Variants in KMT5A observed in about 807,000 individuals in gnomAD.
KMT5A encodes lysine methyltransferase 5A.
In KMT5A, 6 loss-of-function variants were observed where a neutral mutation model predicts 40.6. The observed-to-expected ratio is 0.15, with a 90% CI of 0.08 to 0.29. KMT5A has a LOEUF of 0.29. Ranked by LOEUF, KMT5A falls within the 10% of genes least tolerant of loss-of-function variation. KMT5A has a pLI of 1.00. For missense variants in KMT5A, 308 were observed against 459.1 expected, an observed-to-expected ratio of 0.67 and a Z score of 3.01; for synonymous variants, 153 against 178.8, an observed-to-expected ratio of 0.86 and a Z score of 1.15.
In KMT5A at chr12:123,407,584, G is replaced by A. The variant is rs1593478829; in HGVS notation, c.940G>A (p.Gly314Ser). The change falls in exon 8 of 8, where the codon GGC becomes AGC. Residue 314 changes from glycine to serine, a missense_variant. Transcript: ENST00000402868. Reference sequence around the variant, plus strand: ...CCAAACCAAACTGCACGACATCGACGGCGTACCTCACCTCATCCTCATCGC... The same window carrying A: ...CCAAACCAAACTGCACGACATCGACAGCGTACCTCACCTCATCCTCATCGC... ...NCQTKLHDID[G>S]VPHLILIASR... 2 of 1,613,806 alleles carry A rather than the reference G, an allele frequency of 1.2e-6. No individual in the cohort carries two copies. The highest frequency in any genetic ancestry group is 1.7e-6 in the Non-Finnish European group (2 of 1,179,838).
chr12:123,399,525 A>G (rs1259445140), intron 5 of KMT5A, among the ~76,000 whole-genome samples: 2 of 152,168 alleles, frequency 1.3e-5, no homozygotes, highest in African/African-American at 4.8e-5. Context: ...TCCCGTTTAC[A>G]TGGGCCCCCG....
intron 5 of KMT5A, among the ~76,000 whole-genome samples, chr12:123,402,772 C>T (rs1377006583): frequency 6.6e-6 from 1 of 152,154 alleles, no homozygotes; most frequent in African/African-American, 2.4e-5. Context: ...ATTGGAGGCC[C>T]TCTTCTCATC....
At chr12:123,385,701 A>G (rs546071326) in intron 1 of KMT5A, among the ~76,000 whole-genome samples, 5 of 152,072 alleles carry the variant, frequency 3.3e-5, no homozygotes, top group Non-Finnish European at 7.4e-5. Context: ...AAAATACAAA[A>G]TTAGCCGGGC....
At position 123,395,286 on chromosome 12, in the gene KMT5A, C is replaced by T. The variant is rs769241070; in HGVS notation, c.509+20C>T. The stretch of plus-strand genomic sequence containing the variant: ...AAAAAAGTAAGTGCCCCATTCAGTC[C>T]TCTTCCTAACGTGGAGCAGTTTGGT... On this transcript the variant is annotated intron_variant, in intron 4 of 7. Coordinates refer to ENST00000402868, the MANE Select transcript of KMT5A (RefSeq NM_020382.7). 2 of 1,606,268 alleles carry T rather than the reference C, an allele frequency of 1.2e-6. No homozygotes were observed. The highest frequency in any genetic ancestry group is 2.2e-5 in the East Asian group (1 of 44,668).
intron 7 of KMT5A, 96 bp downstream of exon 7, chr12:123,405,170 C>A: frequency 2.4e-6 from 3 of 1,257,446 alleles, no homozygotes; most frequent in Non-Finnish European, 3.2e-6. Flanking sequence ...GGTGGCCAGT[C>A]TTTTGGTTTT....
intron 1 of KMT5A, among the ~76,000 whole-genome samples, chr12:123,388,076 C>G (rs933569211): frequency 5.3e-5 from 8 of 152,326 alleles, no homozygotes; most frequent in Middle Eastern, 3.4e-3. Flanking sequence ...GTGAGCTATG[C>G]TGAAACAGCC....
Position 123,404,889 on chromosome 12 carries a change from C to G in KMT5A, c.663C>G (p.Asp221Glu), listed in dbSNP as rs1436805790. The change falls in exon 7 of 8, where the codon GAC (aspartate) becomes GAG (glutamate). Residue 221 changes from aspartate (D) to glutamate (E), a missense_variant. Asp to Glu is a conservative substitution (Grantham distance 45). This residue lies in a region of KMT5A where 77 missense variants were observed against 220.0 expected (regional missense o/e 0.35). Coordinates refer to ENST00000402868, the MANE Select transcript of KMT5A (RefSeq NM_020382.7). ...ESGKEEGMKI[D>E]LIDGKGRGVI... ...CCTCTCTTATCACCTGACAGATTGACCTCATCGATGGCAAAGGCAGGGGTG... is the reference window on the plus strand; with the variant it reads ...CCTCTCTTATCACCTGACAGATTGAGCTCATCGATGGCAAAGGCAGGGGTG... The G allele has an allele frequency of 6.2e-7, 1 of 1,611,932 alleles. No individual in the cohort carries two copies. The highest frequency in any genetic ancestry group is 8.5e-7 in the Non-Finnish European group (1 of 1,179,436).
Position 123,384,175 on chromosome 12 carries a change from C to T in KMT5A, c.-24C>T, listed in dbSNP as rs764284569. 1.2e-6 allele frequency: 2 copies of T among 1,613,580 alleles called. No individual in the cohort carries two copies. Among genetic ancestry groups the T allele is most frequent in the South Asian group, 1.1e-5 (1 of 91,042 alleles). On this transcript the variant is annotated 5_prime_UTR_variant, in exon 1 of 8. Transcript: ENST00000402868. The surrounding 1 kb of genome is among the most constrained non-coding windows in gnomAD (Gnocchi z 5.7). The stretch of plus-strand genomic sequence containing the variant: ...TCGAAAGCTGGGTTTCCCGGGAGAT[C>T]CCAGGCGGTGACAGAGTGGAGCCAT...
At chr12:123,398,153 G>T (rs1298657805) in intron 5 of KMT5A, among the ~76,000 whole-genome samples, 1 of 151,992 alleles carries the variant, frequency 6.6e-6, no homozygotes, top group Non-Finnish European at 1.5e-5. Flanking sequence ...ATGATGGCAG[G>T]TGCCTGTAAT....
chr12:123,391,196 T>C (rs76909472), intron 3 of KMT5A: 2,050 of 161,308 alleles, frequency 0.013, 44 homozygotes, highest in African/African-American at 0.045. Flanking sequence ...TTGACCCCAT[T>C]TCTTTTTCTT....
At chr12:123,395,556 G>A (rs1243669263) in intron 4 of KMT5A, among the ~76,000 whole-genome samples, 1 of 150,828 alleles carries the variant, frequency 6.6e-6, no homozygotes, top group African/African-American at 2.4e-5. Context: ...TTTGGTGATT[G>A]GTGTTTTGTG....
At chr12:123,388,744 G>A (rs1325210563) in intron 1 of KMT5A, 1 of 150,892 alleles carries the variant, frequency 6.6e-6, no homozygotes, top group Non-Finnish European at 1.5e-5. Context: ...AAAAGGAGCC[G>A]GGCGGGCTGG....
chr12:123,400,404 G>A (rs971180985), intron 5 of KMT5A, among the ~76,000 whole-genome samples: 2 of 146,400 alleles, frequency 1.4e-5, no homozygotes, highest in African/African-American at 2.5e-5. Flanking sequence ...TCTGTAGCCC[G>A]CGCTGGAGTG....
At chr12:123,388,978 G>T (rs1168387528) in intron 1 of KMT5A, 3 of 144,042 alleles carry the variant, frequency 2.1e-5, no homozygotes. Flanking sequence ...TGCGGAGGAC[G>T]CGCCGCCTGC....
intron 3 of KMT5A, among the ~76,000 whole-genome samples, chr12:123,393,517 G>A (rs576377928): frequency 1.3e-5 from 2 of 152,188 alleles, no homozygotes; most frequent in South Asian, 2.1e-4. Context: ...TTCATCCGCG[G>A]TGTAATAAGT....
In KMT5A at chr12:123,407,704, C is replaced by T. The variant is rs1029347846; in HGVS notation, c.*1C>T. The T allele has an allele frequency of 4.3e-6, 7 of 1,609,822 alleles. No individual in the cohort carries two copies. In the African/African-American group the frequency reaches 5.3e-5, roughly 12 times the overall value. On this transcript the variant is annotated 3_prime_UTR_variant, in exon 8 of 8. Coordinates refer to ENST00000402868, the MANE Select transcript of KMT5A (RefSeq NM_020382.7). ...AGCCCACCCGTGGCTGAAGCATTAACCGGTGGGCCCCGTGCCCTCCCCGCC... is the reference window on the plus strand; with the variant it reads ...AGCCCACCCGTGGCTGAAGCATTAATCGGTGGGCCCCGTGCCCTCCCCGCC...
At chr12:123,400,816 T>C (rs957499535) in intron 5 of KMT5A, among the ~76,000 whole-genome samples, 1 of 151,990 alleles carries the variant, frequency 6.6e-6, no homozygotes, top group Non-Finnish European at 1.5e-5. Flanking sequence ...TTTTTTTTGT[T>C]TTTTGTTTTT....
intron 3 of KMT5A, among the ~76,000 whole-genome samples, chr12:123,392,235 T>C (rs1300511506): frequency 6.6e-6 from 1 of 152,138 alleles, no homozygotes; most frequent in Non-Finnish European, 1.5e-5. Context: ...AGAGGCGCTG[T>C]CTATAAATGG....
intron 3 of KMT5A, among the ~76,000 whole-genome samples, chr12:123,391,990 A>G (rs1223858779): frequency 6.6e-6 from 1 of 152,198 alleles, no homozygotes; most frequent in Non-Finnish European, 1.5e-5. Flanking sequence ...TAAGTTTGCC[A>G]CCTGAAAGAA....
Sources: gnomAD v4.1 joint callset for allele counts (sites outside exome capture counted in the v4.1 genomes callset) on GRCh38, gnomAD v4.1.1 for gene constraint, gnomAD v4.1.1 regional missense constraint, Gnocchi (gnomAD v3.1) non-coding constraint, MANE v1.5 for transcripts, NCBI Gene and HGNC (gene_info 2026-07-23, HGNC 2026-07-21) for gene names.